Variants in PPP6R3 observed in about 807,000 individuals in gnomAD.
PPP6R3 encodes serine/threonine-protein phosphatase 6 regulatory subunit 3.
PPP6R3 carries 38 observed loss-of-function variants against 110.7 expected under a neutral mutation model. The ratio of observed to expected loss-of-function variants is 0.34; its 90% CI spans 0.26 to 0.45. The LOEUF (loss-of-function observed/expected upper bound fraction) is 0.45. PPP6R3 is among the 20% of genes least tolerant of loss of function. The pLI is 1.00. For missense variants in PPP6R3, 870 were observed against 1,062.4 expected, an observed-to-expected ratio of 0.82 and a Z score of 2.52; for synonymous variants, 369 against 373.5, an observed-to-expected ratio of 0.99 and a Z score of 0.14.
intron 18 of PPP6R3, among the ~76,000 whole-genome samples, chr11:68,594,322 AAGAGAGAGAGAGT>A (rs1566084008): frequency 3.5e-4 from 44 of 125,468 alleles, no homozygotes; most frequent in African/African-American, 1.4e-3. Context: ...GAGAGAGAAA[AAGAGAGAGAGAGT>A]GAGAGAGAGA....
At chr11:68,487,020 TC>T (rs1360730216) in intron 1 of PPP6R3, among the ~76,000 whole-genome samples, 1 of 152,192 alleles carries the variant, frequency 6.6e-6, no homozygotes, top group East Asian at 1.9e-4. Context: ...TATTGTTGTT[TC>T]CTGAAAACCA....
intron 2 of PPP6R3, among the ~76,000 whole-genome samples, chr11:68,523,012 ATTTGCC>A (rs1410073908): frequency 6.6e-6 from 1 of 152,208 alleles, no homozygotes; most frequent in Non-Finnish European, 1.5e-5. Flanking sequence ...TTTCTAAATA[ATTTGCC>A]TATATGTAGC....
chr11:68,567,766 G>A (rs904972969), intron 10 of PPP6R3, among the ~76,000 whole-genome samples: 27 of 152,268 alleles, frequency 1.8e-4, no homozygotes, highest in African/African-American at 5.8e-4. Flanking sequence ...CAGAAAGCGC[G>A]AGGGTTAACA....
At position 68,477,246 on chromosome 11, in the gene PPP6R3, TG is replaced by T. The variant is rs367878495; in HGVS notation, c.-158+16424del. Among the ~76,000 whole-genome samples the T allele has an allele frequency of 2.8e-3, 421 of 151,820 alleles. 2 individuals carry two copies. Among genetic ancestry groups the T allele is most frequent in the African/African-American group, 9.7e-3 (401 of 41,374 alleles). ...GCTTGTTCTGTTAGTTGGTGGGGGATGGGGGTGGGTGTTAGAATACAACACC... is the reference window on the plus strand; with the variant it reads ...GCTTGTTCTGTTAGTTGGTGGGGGATGGGGTGGGTGTTAGAATACAACACC... On this transcript the variant is annotated intron_variant, in intron 1 of 23. Transcript: ENST00000393800.
chr11:68,471,706 T>G (rs2098793205), intron 1 of PPP6R3, among the ~76,000 whole-genome samples: 1 of 152,106 alleles, frequency 6.6e-6, no homozygotes, highest in Non-Finnish European at 1.5e-5. Flanking sequence ...AACCACACCA[T>G]TTTTGCAGTG....
chr11:68,531,915 G>A (rs2099243030), intron 2 of PPP6R3, among the ~76,000 whole-genome samples: 1 of 152,196 alleles, frequency 6.6e-6, no homozygotes, highest in African/African-American at 2.4e-5. Flanking sequence ...AGGTTGAGAG[G>A]ATTTGTATAT....
chr11:68,540,552 G>A (rs2099309061), intron 3 of PPP6R3, among the ~76,000 whole-genome samples: 1 of 152,112 alleles, frequency 6.6e-6, no homozygotes, highest in South Asian at 2.1e-4. Context: ...CATCTTATCA[G>A]GAGACAGGGT....
chr11:68,507,500 ATT>A (rs2099085057), intron 1 of PPP6R3, among the ~76,000 whole-genome samples: 1 of 152,146 alleles, frequency 6.6e-6, no homozygotes, highest in Admixed American at 6.5e-5. Context: ...TGTATTCAAA[ATT>A]TTGTGGATGA....
At chr11:68,601,650 T>C (rs149025088) in intron 20 of PPP6R3, among the ~76,000 whole-genome samples, 1 of 152,304 alleles carries the variant, frequency 6.6e-6, no homozygotes, top group East Asian at 1.9e-4. Flanking sequence ...CCTTGCTGGC[T>C]TAACAGAACA....
intron 1 of PPP6R3, among the ~76,000 whole-genome samples, chr11:68,488,439 G>C (rs2098962492): frequency 2.6e-5 from 4 of 152,112 alleles, no homozygotes; most frequent in Admixed American, 2.6e-4. Context: ...CTCCCAAAGA[G>C]TTGGGATTAT....
At chr11:68,477,741 A>AT (rs1555021448) in intron 1 of PPP6R3, among the ~76,000 whole-genome samples, 664 of 57,860 alleles carry the variant, frequency 0.011, 6 homozygotes, top group African/African-American at 0.013. Flanking sequence ...AAAAAAAAAA[A>AT]ATATATATAT....
chr11:68,491,077 T>A (rs1478262968), intron 1 of PPP6R3, among the ~76,000 whole-genome samples: 1 of 151,972 alleles, frequency 6.6e-6, no homozygotes, highest in Non-Finnish European at 1.5e-5. Flanking sequence ...TCCCAGCTAC[T>A]TTTTGGGGCT....
intron 9 of PPP6R3, among the ~76,000 whole-genome samples, chr11:68,565,687 G>A (rs768060623): frequency 1.3e-5 from 2 of 151,948 alleles, no homozygotes; most frequent in African/African-American, 2.4e-5. Flanking sequence ...TCTGGGCCCC[G>A]ATTCAAAAGT....
intron 1 of PPP6R3, among the ~76,000 whole-genome samples, chr11:68,512,469 A>T (rs11606186): frequency 0.056 from 8,467 of 152,332 alleles, 249 homozygotes; most frequent in Middle Eastern, 0.12. Flanking sequence ...ATCACAAAAG[A>T]TTAAAATCCT....
intron 3 of PPP6R3, among the ~76,000 whole-genome samples, chr11:68,540,691 G>GT (rs1304501837): frequency 1.1e-5 from 1 of 90,656 alleles, no homozygotes; most frequent in Non-Finnish European, 2.6e-5. Flanking sequence ...ACCACACCCA[G>GT]GGGGGCCAGT....
chr11:68,548,043 A>G, intron 4 of PPP6R3, 24 bp from the exon 5 acceptor site: 1 of 1,599,646 alleles, frequency 6.3e-7, no homozygotes, highest in Non-Finnish European at 8.5e-7. Context: ...CATGTCTTTC[A>G]GTTTCTGATC....
intron 1 of PPP6R3, among the ~76,000 whole-genome samples, chr11:68,469,702 C>T (rs964455348): frequency 1.3e-5 from 2 of 152,016 alleles, no homozygotes; most frequent in African/African-American, 4.8e-5. Context: ...TTTATTTTAA[C>T]TTGTAATTGG....
rs540829953 is a variant in PPP6R3 at position 68,601,996 on chromosome 11, G to T, written c.2299+27G>T. 6.5e-6 allele frequency: 10 copies of T among 1,544,052 alleles called. No homozygotes were observed. In the Middle Eastern group the frequency reaches 7.6e-4, roughly 118 times the overall value. On this transcript the variant is annotated intron_variant, in intron 21 of 23. Coordinates refer to ENST00000393800, the MANE Select transcript of PPP6R3 (RefSeq NM_001164161.2). ...TGCGTGCAGAGAGGCCTGGGTACAC[G>T]CCAGGGTCACGTGGCTGCTTTGTCA...
intron 4 of PPP6R3, among the ~76,000 whole-genome samples, chr11:68,545,359 C>T (rs1284680752): frequency 6.6e-6 from 1 of 152,200 alleles, no homozygotes; most frequent in Non-Finnish European, 1.5e-5. Flanking sequence ...TTGAATATGT[C>T]ACCAAACAAT....
Sources: allele counts gnomAD v4.1 joint callset (sites outside exome capture counted in the v4.1 genomes callset), GRCh38; gene constraint gnomAD v4.1.1; transcripts MANE v1.5; gene names NCBI Gene and HGNC (gene_info 2026-07-23, HGNC 2026-07-21).